CCSER1: variants seen among roughly 807,000 people sequenced by gnomAD.
CCSER1 encodes the protein serine-rich coiled-coil domain-containing protein 1.
A neutral mutation model predicts 82.0 loss-of-function variants in CCSER1; 41 were observed. The observed-to-expected ratio is 0.50, with a 90% CI of 0.39 to 0.65. The LOEUF (loss-of-function observed/expected upper bound fraction) is 0.65. CCSER1 is among the 30% of genes least tolerant of loss of function. The pLI, the probability that CCSER1 is intolerant of heterozygous loss-of-function variation, is 0.00. For missense variants in CCSER1, 1,119 were observed against 1,064.2 expected (o/e 1.05, Z -0.72); for synonymous variants, 414 against 383.9 (o/e 1.08, Z -0.92).
chr4:90,923,386 T>C lies in CCSER1; in HGVS notation c.2111T>C (p.Leu704Ser). The C allele has an allele frequency of 6.4e-7, 1 of 1,551,442 alleles. No homozygotes were observed. Among genetic ancestry groups the C allele is most frequent in the Non-Finnish European group, 8.7e-7 (1 of 1,146,788 alleles). Reference protein sequence around the residue: ...LQEELGKVRHLQKAFASRVDK... With the variant: ...LQEELGKVRHSQKAFASRVDK... ...ATTTTGCAGGGAAAAGTCCGGCATT[T>C]ACAGAAGGCTTTTGCTTCAAGAGTA... The change falls in exon 9 of 11, where the codon TTA (leucine) becomes TCA (serine). Residue 704 changes from leucine (L) to serine (S), a missense_variant. Leu to Ser is a moderately radical substitution (Grantham distance 145). Coordinates refer to ENST00000509176, the MANE Select transcript of CCSER1 (RefSeq NM_001145065.2).
chr4:91,040,113 C>T (rs1015834230), intron 9 of CCSER1, among the ~76,000 whole-genome samples: 5 of 152,120 alleles, frequency 3.3e-5, no homozygotes, highest in African/African-American at 1.2e-4. Flanking sequence ...TAAATAGCTA[C>T]ATACTACTTT....
chr4:91,382,334 T>G (rs1379307281), intron 10 of CCSER1, among the ~76,000 whole-genome samples: 1 of 152,208 alleles, frequency 6.6e-6, no homozygotes, highest in Non-Finnish European at 1.5e-5. Flanking sequence ...GCAGGCCTCC[T>G]TCAGCTGCAG....
intron 10 of CCSER1, among the ~76,000 whole-genome samples, chr4:91,181,434 T>G (rs1350123807): frequency 6.6e-6 from 1 of 152,228 alleles, no homozygotes; most frequent in East Asian, 1.9e-4. Flanking sequence ...TAAGGTCAGG[T>G]GTGCCTGGGA....
chr4:90,275,166 G>C (rs1355816885), intron 1 of CCSER1, among the ~76,000 whole-genome samples: 2 of 152,044 alleles, frequency 1.3e-5, no homozygotes, highest in East Asian at 3.9e-4. Flanking sequence ...CCAGAACATG[G>C]TCTCATAATC....
intron 10 of CCSER1, among the ~76,000 whole-genome samples, chr4:91,088,854 CA>C (rs1554066427): frequency 6.6e-6 from 1 of 151,832 alleles, no homozygotes; most frequent in Non-Finnish European, 1.5e-5. Flanking sequence ...ATAGATAAGT[CA>C]TTTTTTTTTT....
rs142691220 is a variant in CCSER1 at position 90,128,514 on chromosome 4, T to A, written c.-42+683T>A. ...GTGTGCGTGTGTGTGTGTGTGTGTGTGTGCGCGCGCGCGCGCGCTCTGGAC... is the reference window on the plus strand; with the variant it reads ...GTGTGCGTGTGTGTGTGTGTGTGTGAGTGCGCGCGCGCGCGCGCTCTGGAC... On this transcript the variant is annotated intron_variant, in intron 1 of 10. Transcript: ENST00000509176. Among the ~76,000 whole-genome samples the A allele has an allele frequency of 1.8e-3, 265 of 151,272 alleles. 6 individuals are homozygous for A. The highest frequency in any genetic ancestry group is 0.015 in the Admixed American group (230 of 15,240).
intron 9 of CCSER1, among the ~76,000 whole-genome samples, chr4:91,001,608 G>A (rs1280745045): frequency 1.3e-5 from 2 of 152,140 alleles, no homozygotes; most frequent in Non-Finnish European, 2.9e-5. Flanking sequence ...TGCATGGGAT[G>A]TCTTTTTCCA....
intron 5 of CCSER1, among the ~76,000 whole-genome samples, chr4:90,522,400 A>G (rs368751701): frequency 1.3e-5 from 2 of 152,244 alleles, no homozygotes; most frequent in East Asian, 3.9e-4. Context: ...ACATTGTTGA[A>G]CAATCTTCTA....
At chr4:90,203,975 C>T (rs1321072959) in intron 1 of CCSER1, among the ~76,000 whole-genome samples, 4 of 152,110 alleles carry the variant, frequency 2.6e-5, no homozygotes, top group Admixed American at 2.0e-4. Flanking sequence ...TGTTTGTTGG[C>T]TGTATAAATG....
chr4:91,581,260 C>T (rs1763713958), intron 10 of CCSER1, among the ~76,000 whole-genome samples: 1 of 151,720 alleles, frequency 6.6e-6, no homozygotes, highest in Non-Finnish European at 1.5e-5. Flanking sequence ...ATTAGATAAG[C>T]AAGCACCAGT....
At chr4:91,334,529 AAC>A (rs541446295) in intron 10 of CCSER1, among the ~76,000 whole-genome samples, 18 of 151,910 alleles carry the variant, frequency 1.2e-4, no homozygotes, top group Non-Finnish European at 2.7e-4. Flanking sequence ...GAGAAAAGAA[AAC>A]ACACACTCAC....
intron 10 of CCSER1, among the ~76,000 whole-genome samples, chr4:91,428,062 G>T (rs1452645816): frequency 1.3e-5 from 2 of 151,944 alleles, no homozygotes; most frequent in East Asian, 3.9e-4. Context: ...ATTTTCTAAT[G>T]AAATTGAATT....
intron 10 of CCSER1, among the ~76,000 whole-genome samples, chr4:91,135,738 GA>G (rs5860221): frequency 0.71 from 107,191 of 151,826 alleles, 38,375 homozygotes; most frequent in Non-Finnish European, 0.78. Flanking sequence ...GGAAGGAAAG[GA>G]AAAATGTTAA....
intron 9 of CCSER1, among the ~76,000 whole-genome samples, chr4:90,939,789 A>G (rs1370658729): frequency 6.6e-6 from 1 of 152,142 alleles, no homozygotes; most frequent in East Asian, 1.9e-4. Context: ...TAAAAACTAT[A>G]AATATATTTA....
intron 8 of CCSER1, among the ~76,000 whole-genome samples, chr4:90,886,221 A>G (rs1213268461): frequency 2.0e-5 from 3 of 152,192 alleles, no homozygotes; most frequent in African/African-American, 7.2e-5. Flanking sequence ...CTAGACAAAA[A>G]TAACTCATGG....
chr4:91,077,702 A>T (rs1032829698), intron 9 of CCSER1, among the ~76,000 whole-genome samples: 1 of 152,226 alleles, frequency 6.6e-6, no homozygotes, highest in Non-Finnish European at 1.5e-5. Context: ...TAGTAAAGGG[A>T]AGCCCTGACA....
chr4:91,594,400 CACATATATACACAT>C (rs1764440826), intron 10 of CCSER1, among the ~76,000 whole-genome samples: 1 of 133,930 alleles, frequency 7.5e-6, no homozygotes, highest in African/African-American at 2.7e-5. Context: ...TACATATATA[CACATATATACACAT>C]ATATATACAT....
chr4:90,839,108 G>A (rs548689695), intron 8 of CCSER1: 5 of 1,105,198 alleles, frequency 4.5e-6, no homozygotes, highest in African/African-American at 1.6e-5. Flanking sequence ...GGCCACCACC[G>A]AGTTGTCGCC....
intron 1 of CCSER1, among the ~76,000 whole-genome samples, chr4:90,187,976 GA>G (rs1406647887): frequency 6.6e-6 from 1 of 151,960 alleles, no homozygotes; most frequent in African/African-American, 2.4e-5. Flanking sequence ...TCTTGAGACT[GA>G]AAACCATGGC....
Sources: gnomAD v4.1 joint callset for allele counts (sites outside exome capture counted in the v4.1 genomes callset) on GRCh38, gnomAD v4.1.1 for gene constraint, MANE v1.5 for transcripts, NCBI Gene and HGNC (gene_info 2026-07-23, HGNC 2026-07-21) for gene names.